Variants in ADAMTS20 observed in about 807,000 individuals in gnomAD.
ADAMTS20 encodes A disintegrin and metalloproteinase with thrombospondin motifs 20.
Under a neutral mutation model 260.1 loss-of-function variants are expected in ADAMTS20, and 225 were observed. The observed-to-expected ratio is 0.87, with a 90% confidence interval of 0.78 to 0.97. The LOEUF (loss-of-function observed/expected upper bound fraction) is 0.97. ADAMTS20 is among the 50% of genes least tolerant of loss of function. The pLI, the probability that ADAMTS20 is intolerant of heterozygous loss-of-function variation, is 0.00. For synonymous variants in ADAMTS20, 802 were observed against 769.5 expected (o/e 1.04, Z -0.70); for missense variants, 2,400 against 2,337.7 (o/e 1.03, Z -0.55).
Position 43,532,152 on chromosome 12 carries a change from G to T in ADAMTS20, c.497C>A (p.Pro166His). 1 of 1,611,302 alleles carries T rather than the reference G, an allele frequency of 6.2e-7. No homozygotes were observed. The highest frequency in any genetic ancestry group is 2.2e-5 in the East Asian group (1 of 44,782). Residue 166 changes from proline (P) to histidine (H), a missense_variant, in exon 3 of 39, where the codon CCT (proline) becomes CAT (histidine). Physicochemically the swap from Pro to His is moderately conservative, Grantham distance 77 (BLOSUM62 -2). Transcript: ENST00000389420. ...KGQNGEYFLE[P>H]IMKADGNEYE... ...TTCATTCCCATCTGCCTTCATTATA[G>T]GTTCTAAGAAATATTCACCGTTCTG...
intron 23 of ADAMTS20, 92 bp from the exon 24 acceptor site, chr12:43,429,816 A>G (rs1941406228): frequency 1.3e-6 from 1 of 749,056 alleles, no homozygotes; most frequent in Non-Finnish European, 2.1e-6. Context: ...TGTCTCAAGA[A>G]CCGTTCCATA....
chr12:43,501,481 G>GCGCGCGCGCGCACACA (rs373746834), intron 4 of ADAMTS20, among the ~76,000 whole-genome samples: 1 of 117,810 alleles, frequency 8.5e-6, no homozygotes, highest in South Asian at 3.1e-4. Flanking sequence ...GCGCGCGCGC[G>GCGCGCGCGCGCACACA]CACACACACA....
At chr12:43,375,203 T>C (rs1940196441) in intron 36 of ADAMTS20, among the ~76,000 whole-genome samples, 176 bp downstream of exon 36, 1 of 138,340 alleles carries the variant, frequency 7.2e-6, no homozygotes. Context: ...AAAAGCCCCA[T>C]GGTGCATGTC....
intron 38 of ADAMTS20, 108 bp downstream of exon 38, chr12:43,356,367 GCAATATCTC>G: frequency 1.6e-6 from 1 of 607,614 alleles, no homozygotes; most frequent in Non-Finnish European, 2.9e-6. Flanking sequence ...CCCATTATAT[GCAATATCTC>G]TTTAGTCATC....
chr12:43,498,698 G>A (rs1942711634), intron 4 of ADAMTS20, among the ~76,000 whole-genome samples: 1 of 152,122 alleles, frequency 6.6e-6, no homozygotes, highest in Admixed American at 6.5e-5. Context: ...CCTTTAAAGC[G>A]GTTTTTGAAA....
Position 43,468,616 on chromosome 12 carries a change from G to C in ADAMTS20, c.1207C>G (p.His403Asp). ...KGLISAFTIA[H>D]ELGHTLGVQH... ...GGTACTTACGTGTGCCCAAGCTCAT[G>C]GGCTATAGTAAAAGCAGAAATGAGT... The change falls in exon 8 of 39, where the codon CAT (histidine) becomes GAT (aspartate). Residue 403 changes from histidine to aspartate, a missense_variant. Physicochemically the swap from His to Asp is moderately conservative, Grantham distance 81. Transcript: ENST00000389420. The C allele has an allele frequency of 1.2e-6, 2 of 1,606,996 alleles. No homozygotes were observed. The highest frequency in any genetic ancestry group is 1.7e-6 in the Non-Finnish European group (2 of 1,175,666).
At chr12:43,415,141 C>G (rs1183986360) in intron 28 of ADAMTS20, among the ~76,000 whole-genome samples, 1 of 152,046 alleles carries the variant, frequency 6.6e-6, no homozygotes, top group Non-Finnish European at 1.5e-5. Flanking sequence ...CAAAAAAGTT[C>G]AAAGGCAGGC....
chr12:43,501,707 T>C (rs565180217), intron 4 of ADAMTS20, among the ~76,000 whole-genome samples: 2 of 152,210 alleles, frequency 1.3e-5, no homozygotes, highest in East Asian at 3.9e-4. Flanking sequence ...ACGCCATAAA[T>C]ACATGTATAA....
At chr12:43,527,370 C>T (rs927898178) in intron 3 of ADAMTS20, among the ~76,000 whole-genome samples, 2 of 151,974 alleles carry the variant, frequency 1.3e-5, no homozygotes, top group African/African-American at 4.8e-5. Context: ...GATACCAAAA[C>T]CAGGAAATGA....
At chr12:43,548,641 TA>T (rs1158528373) in intron 2 of ADAMTS20, among the ~76,000 whole-genome samples, 2 of 152,066 alleles carry the variant, frequency 1.3e-5, no homozygotes, top group African/African-American at 2.4e-5. Context: ...AGTGCTAATA[TA>T]AAAAAAGCAA....
intron 31 of ADAMTS20, among the ~76,000 whole-genome samples, chr12:43,380,020 A>T (rs1279643397): frequency 6.6e-6 from 1 of 152,122 alleles, no homozygotes; most frequent in African/African-American, 2.4e-5. Context: ...AGTTCTTAAG[A>T]ATATAGATGT....
At chr12:43,432,926 A>G in intron 19 of ADAMTS20, 115 bp from the exon 20 acceptor site, 1 of 911,960 alleles carries the variant, frequency 1.1e-6, no homozygotes, top group Non-Finnish European at 1.7e-6. Flanking sequence ...CAAACCACCA[A>G]AAAACAAAAC....
Position 43,439,969 on chromosome 12 carries a change from T to C in ADAMTS20, c.2391A>G (p.Glu797=), listed in dbSNP as rs374216085. The C allele has an allele frequency of 4.8e-5, 77 of 1,599,626 alleles. 1 individual carries two copies. The African/African-American group carries it at 1.0e-3, about 21-fold the overall frequency. Residue 797 remains glutamate (E), a synonymous_variant, in exon 17 of 39, where the codon GAA becomes GAG. Transcript: ENST00000389420. ...INVQGTRTVI[E]YSGSNNAVER... The stretch of plus-strand genomic sequence containing the variant: ...CAACTGCGTTATTTGATCCACTGTA[T>C]TCAATAACAGTTCTTGTTCCTTGCA...
intron 38 of ADAMTS20, among the ~76,000 whole-genome samples, chr12:43,354,669 T>C (rs1215209766): frequency 6.6e-6 from 1 of 152,198 alleles, no homozygotes; most frequent in Non-Finnish European, 1.5e-5. Flanking sequence ...ATCCAGTATT[T>C]ACATAATTTT....
downstream of ADAMTS20, among the ~76,000 whole-genome samples, chr12:43,353,507 T>C (rs1939677021): frequency 1.3e-5 from 2 of 152,014 alleles, no homozygotes; most frequent in Admixed American, 6.6e-5. Context: ...AGGTAGATTT[T>C]AAAAATTAAA....
In ADAMTS20 at chr12:43,428,551, A is replaced by T; in HGVS notation, c.3655-20T>A. 5 of 1,599,808 alleles carry T rather than the reference A, an allele frequency of 3.1e-6. No homozygotes were observed. Among genetic ancestry groups the T allele is most frequent in the Non-Finnish European group, 4.3e-6 (5 of 1,172,086 alleles). ...TGAACACTGATCAAAAATTTAGCCAATGGTAATATACAACATTAATTTATA... is the reference window on the plus strand; with the variant it reads ...TGAACACTGATCAAAAATTTAGCCATTGGTAATATACAACATTAATTTATA... On this transcript the variant is annotated intron_variant, in intron 25 of 38. Transcript: ENST00000389420.
chr12:43,512,504 T>C (rs1212182998), intron 3 of ADAMTS20, among the ~76,000 whole-genome samples: 1 of 152,090 alleles, frequency 6.6e-6, no homozygotes, highest in Non-Finnish European at 1.5e-5. Flanking sequence ...TCTACAGTCC[T>C]CTGTGATTTC....
At chr12:43,416,682 G>A (rs1402428558) in intron 28 of ADAMTS20, among the ~76,000 whole-genome samples, 3 of 152,062 alleles carry the variant, frequency 2.0e-5, no homozygotes, top group South Asian at 2.1e-4. Flanking sequence ...CACCACGCCC[G>A]GCTAATTTTT....
intron 8 of ADAMTS20, 25 bp from the exon 9 acceptor site, chr12:43,466,820 A>G (rs367816553): frequency 3.3e-6 from 5 of 1,524,076 alleles, no homozygotes; most frequent in Non-Finnish European, 4.5e-6. Context: ...AAACACTTAA[A>G]AGGAATATCA....
Sources: allele counts gnomAD v4.1 joint callset (sites outside exome capture counted in the v4.1 genomes callset), GRCh38; gene constraint gnomAD v4.1.1; transcripts MANE v1.5; gene names NCBI Gene and HGNC (gene_info 2026-07-23, HGNC 2026-07-21).